Variants in SLC12A6 observed in about 807,000 individuals in gnomAD.
SLC12A6 encodes the protein solute carrier family 12 member 6.
In SLC12A6, 66 loss-of-function variants were observed where a neutral mutation model predicts 135.3. The ratio of observed to expected loss-of-function variants is 0.49; its 90% CI spans 0.40 to 0.60. SLC12A6 has a LOEUF of 0.60. Among genes scored for constraint, SLC12A6 ranks in the 20% least tolerant of loss-of-function variants. SLC12A6 has a pLI of 0.00. For synonymous variants in SLC12A6, 513 were observed against 508.8 expected (o/e 1.01, Z -0.11); for missense variants, 1,058 against 1,452.3 (o/e 0.73, Z 4.41).
intron 2 of SLC12A6, among the ~76,000 whole-genome samples, chr15:34,302,443 C>A (rs1354651630): frequency 6.6e-6 from 1 of 152,180 alleles, no homozygotes; most frequent in Non-Finnish European, 1.5e-5. Context: ...TGCCTGCAAT[C>A]CTGACACTTT....
intron 2 of SLC12A6, among the ~76,000 whole-genome samples, 155 bp from the exon 3 acceptor site, chr15:34,275,544 C>G (rs947477645): frequency 6.6e-6 from 1 of 151,952 alleles, no homozygotes; most frequent in East Asian, 1.9e-4. Context: ...ATAGAATGAA[C>G]TAGTGTAAAG....
chr15:34,240,073 A>G (rs1473576315), intron 19 of SLC12A6, among the ~76,000 whole-genome samples: 3 of 152,042 alleles, frequency 2.0e-5, no homozygotes, highest in African/African-American at 2.4e-5. Flanking sequence ...TACATTAGGT[A>G]TATCTCCTAA....
chr15:34,271,217 A>G (rs957247150), intron 3 of SLC12A6, among the ~76,000 whole-genome samples: 8 of 152,160 alleles, frequency 5.3e-5, no homozygotes, highest in African/African-American at 1.9e-4. Context: ...TAACATAGTG[A>G]ATTATATAAA....
chr15:34,237,810 AG>A (rs1465797679), intron 21 of SLC12A6, among the ~76,000 whole-genome samples: 2 of 152,240 alleles, frequency 1.3e-5, no homozygotes, highest in Non-Finnish European at 2.9e-5. Context: ...ATACGTTAAG[AG>A]GGTACTTTAT....
At chr15:34,319,831 T>C (rs1888936933) in intron 2 of SLC12A6, among the ~76,000 whole-genome samples, 1 of 151,058 alleles carries the variant, frequency 6.6e-6, no homozygotes, top group Admixed American at 6.6e-5. Flanking sequence ...AAAAAATATA[T>C]ATGTTTAAAG....
intron 16 of SLC12A6, among the ~76,000 whole-genome samples, chr15:34,242,485 G>C (rs1891708764): frequency 6.6e-6 from 1 of 152,128 alleles, no homozygotes; most frequent in South Asian, 2.1e-4. Context: ...GAAACAGTCG[G>C]TAGATGTGCA....
chr15:34,297,233 A>G (rs1282277909), intron 2 of SLC12A6, among the ~76,000 whole-genome samples: 1 of 152,146 alleles, frequency 6.6e-6, no homozygotes. Context: ...TATTGTATCT[A>G]TTTTTAATTT....
In SLC12A6 at chr15:34,277,225, G is replaced by A. The variant is rs574801619; in HGVS notation, c.272-1836C>T. 2.6e-5 allele frequency among the ~76,000 whole-genome samples: 4 copies of A among 152,244 alleles called. No homozygotes were observed. In the East Asian group the frequency reaches 5.8e-4, roughly 22 times the overall value. On this transcript the variant is annotated intron_variant, in intron 2 of 25. Transcript: ENST00000354181. ...TGAGGCGGGAGGATCACGAGGCCAG[G>A]AGTTTGAAACCAGCCTGAGCAACAT...
chr15:34,336,872 G>A (rs1890234101), intron 1 of SLC12A6, 120 bp from the exon 2 acceptor site: 1 of 626,380 alleles, frequency 1.6e-6, no homozygotes, highest in Non-Finnish European at 2.8e-6. Context: ...CCTAGAAAGT[G>A]CATCACCAAT....
rs541933743 is a variant in SLC12A6, at chr15:34,250,560, A to C, written c.1591+71T>G. 17 of 916,000 alleles carry C rather than the reference A, an allele frequency of 1.9e-5. No individual in the cohort carries two copies. In the East Asian group the frequency reaches 4.1e-4, roughly 22 times the overall value. The allele number at this position is 916,000 out of a possible 1,614,324, so 56.7% of individuals were successfully genotyped here. A position where few individuals can be genotyped will look rare whatever the true frequency, so the allele number is the denominator to read the frequency against. On this transcript the variant is annotated intron_variant, in intron 12 of 25. Coordinates refer to ENST00000354181, the MANE Select transcript of SLC12A6 (RefSeq NM_001365088.1). ...GCAGGTATCTTTGTTACCAGGATAAAAATACTGATCATCTAGTTCTACTGG... is the reference window on the plus strand; with the variant it reads ...GCAGGTATCTTTGTTACCAGGATAACAATACTGATCATCTAGTTCTACTGG...
chr15:34,310,005 C>CTTTTTTTTTT (rs879478639), intron 2 of SLC12A6, among the ~76,000 whole-genome samples: 3,125 of 143,794 alleles, frequency 0.022, 127 homozygotes, highest in African/African-American at 0.076. Context: ...AAGAGATAAT[C>CTTTTTTTTTT]TTTTTTTTTT....
chr15:34,289,200 G>A (rs1405166122), intron 2 of SLC12A6, among the ~76,000 whole-genome samples: 1 of 152,158 alleles, frequency 6.6e-6, no homozygotes, highest in Non-Finnish European at 1.5e-5. Flanking sequence ...ATGAAAGGCT[G>A]TTGAATTTTG....
At chr15:34,300,835 G>C (rs973929243) in intron 2 of SLC12A6, among the ~76,000 whole-genome samples, 1 of 151,520 alleles carries the variant, frequency 6.6e-6, no homozygotes, top group Non-Finnish European at 1.5e-5. Context: ...GAGCAGGTTT[G>C]GGGGCATGAG....
intron 3 of SLC12A6, among the ~76,000 whole-genome samples, chr15:34,272,190 C>T (rs903888354): frequency 5.3e-5 from 8 of 152,204 alleles, no homozygotes; most frequent in African/African-American, 1.7e-4. Flanking sequence ...AGGCTGGTCT[C>T]GAACTCCTGA....
At chr15:34,326,318 C>T (rs969877896) in intron 2 of SLC12A6, among the ~76,000 whole-genome samples, 1 of 152,226 alleles carries the variant, frequency 6.6e-6, no homozygotes, top group East Asian at 1.9e-4. Flanking sequence ...TTTCATTCAT[C>T]CATTATGAAA....
At chr15:34,292,498 G>A (rs1266012306) in intron 2 of SLC12A6, among the ~76,000 whole-genome samples, 2 of 152,154 alleles carry the variant, frequency 1.3e-5, no homozygotes, top group East Asian at 1.9e-4. Flanking sequence ...CAAACATCAC[G>A]CTGGGAGAAC....
intron 2 of SLC12A6, among the ~76,000 whole-genome samples, chr15:34,285,605 C>T (rs1419391610): frequency 1.4e-5 from 2 of 147,832 alleles, no homozygotes; most frequent in Non-Finnish European, 3.0e-5. Flanking sequence ...TCCATGTACC[C>T]ACCAAATGGC....
chr15:34,283,769 A>C (rs1168669106), intron 2 of SLC12A6, among the ~76,000 whole-genome samples: 1 of 149,146 alleles, frequency 6.7e-6, no homozygotes, highest in Non-Finnish European at 1.5e-5. Flanking sequence ...TTTTTTTTTG[A>C]AACAGGGTCT....
intron 3 of SLC12A6, among the ~76,000 whole-genome samples, chr15:34,273,880 C>CTT (rs1459689369): frequency 6.6e-6 from 1 of 151,294 alleles, no homozygotes; most frequent in Non-Finnish European, 1.5e-5. Flanking sequence ...TTAATAATAC[C>CTT]TGTTTTTTTT....
Sources: gnomAD v4.1 joint callset for allele counts (sites outside exome capture counted in the v4.1 genomes callset) on GRCh38, gnomAD v4.1.1 for gene constraint, MANE v1.5 for transcripts, NCBI Gene and HGNC (gene_info 2026-07-23, HGNC 2026-07-21) for gene names.